ATP8B4: variants seen among roughly 807,000 people sequenced by gnomAD.
ATP8B4 encodes the protein probable phospholipid-transporting ATPase IM.
In ATP8B4, 133 loss-of-function variants were observed where a neutral mutation model predicts 145.6. The observed-to-expected ratio is 0.91, with a 90% confidence interval of 0.79 to 1.05. The LOEUF is 1.05. ATP8B4 is among the 50% of genes least tolerant of loss of function. The pLI, the probability that ATP8B4 is intolerant of heterozygous loss-of-function variation, is 0.00. For synonymous variants in ATP8B4, 507 were observed against 492.9 expected, an observed-to-expected ratio of 1.03 and a Z score of -0.38; for missense variants, 1,458 against 1,425.2, an observed-to-expected ratio of 1.02 and a Z score of -0.37.
chr15:49,969,925 C>T (rs1043131108), intron 13 of ATP8B4, among the ~76,000 whole-genome samples: 11 of 152,128 alleles, frequency 7.2e-5, no homozygotes, highest in Admixed American at 3.9e-4. Context: ...TTATCCACCA[C>T]GATCAAGTTG....
At chr15:50,021,221 C>A (rs1466990329) in intron 6 of ATP8B4, among the ~76,000 whole-genome samples, 1 of 152,146 alleles carries the variant, frequency 6.6e-6, no homozygotes, top group African/African-American at 2.4e-5. Flanking sequence ...TCCATGGCAT[C>A]ATCATCATAC....
intron 2 of ATP8B4, among the ~76,000 whole-genome samples, chr15:50,098,326 C>CTG (rs1407234201): frequency 9.0e-6 from 1 of 111,012 alleles, no homozygotes; most frequent in Admixed American, 1.4e-4. Flanking sequence ...GGGTCTCACT[C>CTG]TGTCACACAG....
intron 1 of ATP8B4, among the ~76,000 whole-genome samples, chr15:50,174,443 C>T (rs2044733382): frequency 6.6e-6 from 1 of 151,780 alleles, no homozygotes; most frequent in South Asian, 2.1e-4. Flanking sequence ...GAATTCAGCA[C>T]AGTTTCCAGA....
chr15:49,983,015 T>C (rs750096428), intron 10 of ATP8B4, among the ~76,000 whole-genome samples: 35 of 152,262 alleles, frequency 2.3e-4, no homozygotes, highest in Middle Eastern at 6.8e-3. Context: ...TCTTCCATGA[T>C]ACTTACTCTC....
At chr15:49,865,817 G>C (rs959201008) in intron 26 of ATP8B4, among the ~76,000 whole-genome samples, 5 of 152,224 alleles carry the variant, frequency 3.3e-5, no homozygotes, top group Non-Finnish European at 1.5e-5. Context: ...AAGTGGCACA[G>C]CTGGCGCTTG....
At chr15:49,935,887 C>T (rs1470871992) in intron 14 of ATP8B4, among the ~76,000 whole-genome samples, 1 of 152,044 alleles carries the variant, frequency 6.6e-6, no homozygotes, top group Non-Finnish European at 1.5e-5. Flanking sequence ...ATACAGAAGG[C>T]TGTTTTGTTT....
intron 26 of ATP8B4, 139 bp downstream of exon 26, chr15:49,866,207 C>T: frequency 1.7e-6 from 2 of 1,212,096 alleles, no homozygotes; most frequent in South Asian, 3.3e-5. Flanking sequence ...AACTCGGAAG[C>T]CTTCAGATGC....
chr15:49,918,722 C>T, intron 19 of ATP8B4, 117 bp downstream of exon 19: 1 of 723,696 alleles, frequency 1.4e-6, no homozygotes, highest in Non-Finnish European at 2.3e-6. Context: ...TCAAGTCTTT[C>T]CTATGTGGAA....
chr15:50,107,077 CT>C, intron 1 of ATP8B4, 69 bp from the exon 2 acceptor site: 1 of 1,044,726 alleles, frequency 9.6e-7, no homozygotes, highest in Non-Finnish European at 1.4e-6. Context: ...CCTCCTTTAA[CT>C]TTCTTCCTAG....
chr15:49,876,630 A>C (rs1566912568), intron 24 of ATP8B4, 107 bp from the exon 25 acceptor site: 1 of 1,451,608 alleles, frequency 6.9e-7, no homozygotes, highest in East Asian at 2.3e-5. Context: ...ATGTCCTAAA[A>C]TGCACTACTC....
At chr15:50,007,964 A>G (rs778173878) in intron 7 of ATP8B4, among the ~76,000 whole-genome samples, 45 of 152,208 alleles carry the variant, frequency 3.0e-4, no homozygotes, top group Non-Finnish European at 5.3e-4. Context: ...ACAGAACTAC[A>G]TTTGTAGGAG....
chr15:50,088,384 G>A (rs945518814), intron 2 of ATP8B4, among the ~76,000 whole-genome samples: 2 of 151,178 alleles, frequency 1.3e-5, no homozygotes, highest in Non-Finnish European at 3.0e-5. Context: ...AAAAACCCTC[G>A]ATCCAGCCCT....
At chr15:49,987,301 C>A (rs572927270) in intron 10 of ATP8B4, 90 bp downstream of exon 10, 3 of 1,424,198 alleles carry the variant, frequency 2.1e-6, no homozygotes, top group Non-Finnish European at 2.9e-6. Flanking sequence ...GAAAGCACTG[C>A]GCTCATCAGA....
At chr15:50,018,052 A>G (rs1169656739) in intron 6 of ATP8B4, among the ~76,000 whole-genome samples, 1 of 145,770 alleles carries the variant, frequency 6.9e-6, no homozygotes, top group Non-Finnish European at 1.5e-5. Context: ...CAGTGGCACC[A>G]TCTTGGCTCA....
At chr15:50,038,308 C>G (rs1338487059) in intron 6 of ATP8B4, among the ~76,000 whole-genome samples, 4 of 152,044 alleles carry the variant, frequency 2.6e-5, no homozygotes, top group Non-Finnish European at 1.5e-5. Context: ...AAAAATTGTA[C>G]TATGGTAGAT....
chr15:50,030,779 C>A (rs1207260676), intron 6 of ATP8B4, among the ~76,000 whole-genome samples: 1 of 152,158 alleles, frequency 6.6e-6, no homozygotes, highest in Non-Finnish European at 1.5e-5. Context: ...CCACTGGAAA[C>A]CCATGTGCAG....
intron 14 of ATP8B4, among the ~76,000 whole-genome samples, chr15:49,940,216 T>TA (rs1292676718): frequency 6.6e-6 from 1 of 152,004 alleles, no homozygotes; most frequent in African/African-American, 2.4e-5. Flanking sequence ...TATACAGCCA[T>TA]AAAAAAGAAT....
chr15:50,051,130 T>C (rs1027925245), intron 3 of ATP8B4, among the ~76,000 whole-genome samples: 9 of 152,188 alleles, frequency 5.9e-5, no homozygotes, highest in African/African-American at 2.2e-4. Flanking sequence ...ATTAGAGTGG[T>C]TACCCTGATG....
chr15:49,962,054 T>G, intron 13 of ATP8B4, 34 bp from the exon 14 acceptor site: 2 of 1,518,490 alleles, frequency 1.3e-6, no homozygotes, highest in Non-Finnish European at 1.8e-6. Context: ...TAAAAGTAAG[T>G]GAAACCGAAA....
Sources: allele counts gnomAD v4.1 joint callset (sites outside exome capture counted in the v4.1 genomes callset), GRCh38; gene constraint gnomAD v4.1.1; transcripts MANE v1.5; gene names NCBI Gene and HGNC (gene_info 2026-07-23, HGNC 2026-07-21).